ANKRD26: variants seen among roughly 807,000 people sequenced by gnomAD.
The protein encoded by ANKRD26 is ankyrin repeat domain-containing protein 26.
Under a neutral mutation model 208.7 loss-of-function variants are expected in ANKRD26, and 141 were observed. That is an observed-to-expected ratio of 0.68 (90% CI 0.59 to 0.78). The LOEUF (loss-of-function observed/expected upper bound fraction) is 0.78. Ranked by LOEUF, ANKRD26 falls within the 30% of genes least tolerant of loss-of-function variation. ANKRD26 has a pLI of 0.00. For synonymous variants in ANKRD26, 636 were observed against 660.4 expected, an observed-to-expected ratio of 0.96 and a Z score of 0.57; for missense variants, 1,889 against 1,938.7, an observed-to-expected ratio of 0.97 and a Z score of 0.48.
At chr10:26,950,702 C>T in the ANKRD26 span, among the ~76,000 whole-genome samples, 2 of 152,330 alleles carry the variant, frequency 1.3e-5, no homozygotes, top group African/African-American at 2.4e-5. Context: ...TGAGCAGATG[C>T]CAGCACCATG....
At position 27,061,129 on chromosome 10, in the gene ANKRD26, A is replaced by AT. The variant is rs754630996; in HGVS notation, c.1462+14dup. The AT allele has an allele frequency of 2.0e-5, 31 of 1,551,492 alleles. No individual in the cohort carries two copies. The highest frequency in any genetic ancestry group is 4.5e-5 in the South Asian group (4 of 89,754). ...AGAATAACAGTTAACAAAAATACGCATTTTTTTTCCATACCCATGTGGGCT... is the reference window on the plus strand; with the variant it reads ...AGAATAACAGTTAACAAAAATACGCATTTTTTTTTCCATACCCATGTGGGCT... On this transcript the variant is annotated intron_variant, in intron 13 of 33. Transcript: ENST00000376087.
intron 3 of ANKRD26, among the ~76,000 whole-genome samples, chr10:27,092,806 A>G (rs931973226): frequency 1.3e-5 from 2 of 152,154 alleles, no homozygotes; most frequent in African/African-American, 4.8e-5. Flanking sequence ...TTCTAGGCTG[A>G]GCACAGTGGC....
chr10:27,051,836 T>C (rs1481978218), intron 16 of ANKRD26: 2 of 985,310 alleles, frequency 2.0e-6, no homozygotes, highest in African/African-American at 3.5e-5. Context: ...TATCATGTAG[T>C]GACTCTTCCC....
intron 5 of ANKRD26, among the ~76,000 whole-genome samples, chr10:26,976,213 A>G (rs1029269011): frequency 1.5e-5 from 1 of 67,516 alleles, no homozygotes; most frequent in Non-Finnish European, 2.5e-5. Context: ...CATATCTTGT[A>G]ATTTTTTTCT....
At chr10:27,051,870 T>C (rs2054674749) in intron 16 of ANKRD26, 1 of 985,268 alleles carries the variant, frequency 1.0e-6, no homozygotes, top group African/African-American at 1.7e-5. Context: ...AATTTTGTAT[T>C]TTTCACAAGT....
chr10:27,060,560 T>C lies in ANKRD26; in HGVS notation c.1463-20A>G. 5 of 1,460,224 alleles carry C rather than the reference T, an allele frequency of 3.4e-6. No homozygotes were observed. Among genetic ancestry groups the C allele is most frequent in the Non-Finnish European group, 4.8e-6 (5 of 1,046,036 alleles). The allele number at this position is 1,460,224 out of a possible 1,614,324, so 90.5% of individuals were successfully genotyped here. A position where few individuals can be genotyped will look rare whatever the true frequency, so the allele number is the denominator to read the frequency against. On this transcript the variant is annotated intron_variant, in intron 13 of 33. Transcript: ENST00000376087. ...GAGACTCTAAAAACCAAAAGGGACA[T>C]ATAATCAATTATACATAAATATGAC... is the stretch of plus-strand genomic sequence containing the variant.
chr10:27,092,515 G>A lies in ANKRD26; in HGVS notation c.532-3C>T. ...AGTAAAAGTGGTGTGAGGTCATCCT[G>A]TAAGACAGCAAAAACAAGTTAAAAT... On this transcript the variant is annotated splice_region_variant and splice_polypyrimidine_tract_variant and intron_variant, in intron 3 of 33. Transcript: ENST00000376087. 5 of 1,607,022 alleles carry A rather than the reference G, an allele frequency of 3.1e-6. No homozygotes were observed. The highest frequency in any genetic ancestry group is 4.3e-6 in the Non-Finnish European group (5 of 1,174,400).
At chr10:27,042,755 AAAAC>A (rs1218360248) in intron 20 of ANKRD26, among the ~76,000 whole-genome samples, 8 of 150,766 alleles carry the variant, frequency 5.3e-5, no homozygotes, top group Non-Finnish European at 7.4e-5. Context: ...TCCATCTCAA[AAAAC>A]AAACAAACAA....
At position 27,079,037 on chromosome 10, in the gene ANKRD26, T is replaced by G. The variant is rs933604214; in HGVS notation, c.813+52A>C. The G allele has an allele frequency of 4.0e-6, 6 of 1,492,222 alleles. No individual in the cohort carries two copies. In the South Asian group the frequency reaches 5.7e-5, roughly 14 times the overall value. The allele number at this position is 1,492,222 out of a possible 1,614,324, so 92.4% of individuals were successfully genotyped here. ...ACTGCAAAATTTTAAGAGAATACTA[T>G]ACGAAACTAGATTCAGAGTAAGAAA... On this transcript the variant is annotated intron_variant, in intron 7 of 33. Transcript: ENST00000376087.
intron 7 of ANKRD26, 94 bp from the exon 8 acceptor site, chr10:27,077,787 C>T (rs1017289174): frequency 3.5e-6 from 4 of 1,129,262 alleles, no homozygotes; most frequent in Non-Finnish European, 5.1e-6. Flanking sequence ...ACTACATGAT[C>T]TAACACAAAG....
chr10:27,020,107 GA>G (rs2053436344), intron 29 of ANKRD26, among the ~76,000 whole-genome samples: 1 of 152,178 alleles, frequency 6.6e-6, no homozygotes, highest in African/African-American at 2.4e-5. Flanking sequence ...CTATTCATTA[GA>G]AATGAGTCAC....
At chr10:26,958,450 A>C in the ANKRD26 span, among the ~76,000 whole-genome samples, 2 of 151,770 alleles carry the variant, frequency 1.3e-5, no homozygotes, top group Non-Finnish European at 2.9e-5. Flanking sequence ...CCCTCCCCTT[A>C]ACCCCCTACA....
chr10:27,039,057 C>A (rs1589259539), intron 21 of ANKRD26, among the ~76,000 whole-genome samples: 1 of 152,166 alleles, frequency 6.6e-6, no homozygotes, highest in East Asian at 1.9e-4. Flanking sequence ...GCATTTTCAA[C>A]ACAGAACTTT....
chr10:26,987,980 G>A (rs923770184), downstream of ANKRD26, among the ~76,000 whole-genome samples: 5 of 152,120 alleles, frequency 3.3e-5, no homozygotes, highest in East Asian at 1.9e-4. Context: ...CCCAGGTGCC[G>A]TTTCTCCACT....
At chr10:27,011,719 T>C (rs1336710462) in intron 32 of ANKRD26, among the ~76,000 whole-genome samples, 1 of 152,168 alleles carries the variant, frequency 6.6e-6, no homozygotes. Context: ...CTTGTTACTG[T>C]AAAGCTAGGA....
Position 27,077,523 on chromosome 10 carries a change from T to C in ANKRD26, c.892A>G (p.Thr298Ala), listed in dbSNP as rs778577907. The C allele has an allele frequency of 1.2e-6, 2 of 1,613,964 alleles. No individual in the cohort carries two copies. Among genetic ancestry groups the C allele is most frequent in the Admixed American group, 1.7e-5 (1 of 60,020 alleles). ...SRKNLEATYG[T>A]VRTGNRTLFE... Reference sequence around the variant, plus strand: ...AAAGTTCTATTTCCTGTTCTCACAGTGCCATATGTTGCTTCTACTACAGTA... The same window carrying C: ...AAAGTTCTATTTCCTGTTCTCACAGCGCCATATGTTGCTTCTACTACAGTA... The change falls in exon 9 of 34, where the codon ACT becomes GCT. Residue 298 changes from threonine to alanine, a missense_variant. Transcript: ENST00000376087.
chr10:26,949,177 C>A, the ANKRD26 span, among the ~76,000 whole-genome samples: 3 of 152,062 alleles, frequency 2.0e-5, no homozygotes, highest in Non-Finnish European at 4.4e-5. Flanking sequence ...ACCATTTAAT[C>A]AGCTTACTAG....
the ANKRD26 span, among the ~76,000 whole-genome samples, chr10:26,951,158 C>G: frequency 9.9e-5 from 15 of 151,690 alleles, no homozygotes; most frequent in South Asian, 1.7e-3. Flanking sequence ...TCTGTATAAA[C>G]TCAGTAACAA....
chr10:26,976,176 T>C (rs893677274), intron 5 of ANKRD26, among the ~76,000 whole-genome samples: 1 of 152,046 alleles, frequency 6.6e-6, no homozygotes, highest in African/African-American at 2.4e-5. Flanking sequence ...ATTCCTCATC[T>C]TGCATTCTTT....
Sources: allele counts gnomAD v4.1 joint callset (sites outside exome capture counted in the v4.1 genomes callset), GRCh38; gene constraint gnomAD v4.1.1; transcripts MANE v1.5; gene names NCBI Gene and HGNC (gene_info 2026-07-23, HGNC 2026-07-21).